ZCCHC4: variants seen among roughly 807,000 people sequenced by gnomAD.
ZCCHC4 encodes zinc finger CCHC-type containing 4, also known as rRNA N(6)-adenosine-methyltransferase ZCCHC4.
Under a neutral mutation model 67.7 loss-of-function variants are expected in ZCCHC4, and 54 were observed. That is an observed-to-expected ratio of 0.80 (90% CI 0.64 to 1.00). The LOEUF (loss-of-function observed/expected upper bound fraction) is 1.00. ZCCHC4 is among the 50% of genes least tolerant of loss of function. The probability of loss-of-function intolerance (pLI) is 0.00; values close to 1 mark genes in which losing one functional copy is unlikely to be tolerated. For missense variants in ZCCHC4, 609 were observed against 617.0 expected (o/e 0.99, Z 0.14); for synonymous variants, 198 against 213.5 (o/e 0.93, Z 0.63).
intron 8 of ZCCHC4, among the ~76,000 whole-genome samples, chr4:25,353,632 A>T (rs1185228236): frequency 6.6e-6 from 1 of 152,218 alleles, no homozygotes; most frequent in Admixed American, 6.5e-5. Context: ...TGTCAAATGG[A>T]TAACTGAGTG....
intron 11 of ZCCHC4, 83 bp from the exon 12 acceptor site, chr4:25,364,939 T>G (rs1720883936): frequency 8.9e-6 from 14 of 1,569,266 alleles, no homozygotes; most frequent in Non-Finnish European, 1.2e-5. Flanking sequence ...GTAAACACTG[T>G]TCGTATATCC....
At chr4:25,345,691 T>G (rs185568255) in intron 6 of ZCCHC4, 71 bp downstream of exon 6, 3 of 1,024,006 alleles carry the variant, frequency 2.9e-6, no homozygotes, top group African/African-American at 3.2e-5. Flanking sequence ...CCTCCTTTGT[T>G]CTTTTTCTAA....
At chr4:25,347,382 A>G (rs1408879949) in intron 6 of ZCCHC4, among the ~76,000 whole-genome samples, 1 of 152,196 alleles carries the variant, frequency 6.6e-6, no homozygotes, top group Middle Eastern at 3.2e-3. Context: ...TTACCTTATA[A>G]GTTTCTACAA....
chr4:25,352,942 A>G (rs531459613), intron 8 of ZCCHC4, among the ~76,000 whole-genome samples: 3 of 152,340 alleles, frequency 2.0e-5, no homozygotes, highest in African/African-American at 7.2e-5. Flanking sequence ...TTGTGATTCC[A>G]CCCAAACAGC....
intron 8 of ZCCHC4, among the ~76,000 whole-genome samples, chr4:25,355,329 G>T (rs1426153726): frequency 6.6e-6 from 1 of 152,206 alleles, no homozygotes; most frequent in Admixed American, 6.5e-5. Flanking sequence ...TGGTAGATAA[G>T]TTTCTCTTTT....
intron 8 of ZCCHC4, among the ~76,000 whole-genome samples, chr4:25,360,333 G>A (rs902463428): frequency 3.3e-5 from 5 of 152,238 alleles, no homozygotes; most frequent in Non-Finnish European, 7.3e-5. Context: ...GTAGTTGACC[G>A]GGGCACCCAT....
intron 8 of ZCCHC4, among the ~76,000 whole-genome samples, chr4:25,358,266 C>T (rs1720590505): frequency 6.6e-6 from 1 of 152,132 alleles, no homozygotes; most frequent in African/African-American, 2.4e-5. Context: ...TATGCCAGGC[C>T]TTGAATAGTG....
chr4:25,334,215 G>A lies in ZCCHC4; in HGVS notation c.686+227G>A, dbSNP rs60217144. Among the ~76,000 whole-genome samples, 1,031 of 152,312 alleles carry A rather than the reference G, an allele frequency of 6.8e-3. 10 individuals carry two copies. The highest frequency in any genetic ancestry group is 0.023 in the African/African-American group (968 of 41,558). ...CTGGTGGGCTTCCTAGATTTTCTCT[G>A]TGAATGTGGCTAGTTCGTCTTTGGC... On this transcript the variant is annotated intron_variant, in intron 5 of 12. Coordinates refer to ENST00000302874, the MANE Select transcript of ZCCHC4 (RefSeq NM_024936.3).
At chr4:25,362,412 T>C in intron 10 of ZCCHC4, 111 bp downstream of exon 10, 2 of 599,702 alleles carry the variant, frequency 3.3e-6, no homozygotes. Flanking sequence ...TGTATTAATA[T>C]GTATTATCAT....
At chr4:25,344,154 T>A (rs1719884227) in intron 5 of ZCCHC4, among the ~76,000 whole-genome samples, 1 of 152,074 alleles carries the variant, frequency 6.6e-6, no homozygotes, top group Admixed American at 6.6e-5. Flanking sequence ...CAGATTTAAG[T>A]CATAATGTGA....
chr4:25,313,088 T>C, intron 1 of ZCCHC4, 152 bp downstream of exon 1: 1 of 1,191,230 alleles, frequency 8.4e-7, no homozygotes, highest in Non-Finnish European at 1.1e-6. Context: ...CGCGGTGTTT[T>C]TCAACTTACT....
chr4:25,312,949 C>G lies in ZCCHC4; in HGVS notation c.127+13C>G. On this transcript the variant is annotated intron_variant, in intron 1 of 12. Transcript: ENST00000302874. ...CTGTGCCCTCACGGTGGGTCAGAGT[C>G]TGGGCTCAGCCTAACTGCCGGGCGC... is the stretch of plus-strand genomic sequence containing the variant. The G allele has an allele frequency of 6.2e-6, 10 of 1,610,918 alleles. No individual in the cohort carries two copies. In the African/African-American group the frequency reaches 1.3e-4, roughly 21 times the overall value.
intron 3 of ZCCHC4, among the ~76,000 whole-genome samples, chr4:25,321,218 C>T (rs1263402448): frequency 6.6e-6 from 1 of 151,796 alleles, no homozygotes; most frequent in South Asian, 2.1e-4. Context: ...GCCGCTCTTT[C>T]TTCCTTTCCT....
chr4:25,343,541 A>G (rs1719852219), intron 5 of ZCCHC4, among the ~76,000 whole-genome samples: 1 of 152,264 alleles, frequency 6.6e-6, no homozygotes, highest in South Asian at 2.1e-4. Context: ...AGTACTTTAC[A>G]TACATCATCT....
intron 3 of ZCCHC4, among the ~76,000 whole-genome samples, chr4:25,326,697 T>G (rs1718901055): frequency 6.6e-6 from 1 of 152,176 alleles, no homozygotes; most frequent in African/African-American, 2.4e-5. Context: ...TCATATGAAT[T>G]TTTTGAATGA....
chr4:25,343,775 T>A (rs1358560597), intron 5 of ZCCHC4, among the ~76,000 whole-genome samples: 1 of 152,194 alleles, frequency 6.6e-6, no homozygotes, highest in Non-Finnish European at 1.5e-5. Context: ...ATATTCACCA[T>A]GGATGCTCAA....
intron 6 of ZCCHC4, among the ~76,000 whole-genome samples, chr4:25,348,811 C>T (rs1480001269): frequency 1.3e-5 from 2 of 152,100 alleles, no homozygotes; most frequent in African/African-American, 4.8e-5. Flanking sequence ...TATATGGTAT[C>T]TCTTAATAAC....
intron 3 of ZCCHC4, among the ~76,000 whole-genome samples, chr4:25,323,282 A>G (rs1718680310): frequency 1.3e-5 from 2 of 152,178 alleles, no homozygotes. Context: ...GTTACAGTTC[A>G]TGTGGGAAAG....
chr4:25,314,425 G>C (rs142466766), intron 2 of ZCCHC4, among the ~76,000 whole-genome samples: 56 of 152,324 alleles, frequency 3.7e-4, no homozygotes, highest in African/African-American at 1.3e-3. Flanking sequence ...TCTTCTGTGT[G>C]TTAGCTTGGG....
Sources: gnomAD v4.1 joint callset for allele counts (sites outside exome capture counted in the v4.1 genomes callset) on GRCh38, gnomAD v4.1.1 for gene constraint, MANE v1.5 for transcripts, NCBI Gene and HGNC (gene_info 2026-07-23, HGNC 2026-07-21) for gene names.